The following FGF13 variants were observed in gnomAD, a reference collection of about 807,000 sequenced individuals.
FGF13 encodes the protein fibroblast growth factor 13.
Under a neutral mutation model 19.5 loss-of-function variants are expected in FGF13, and 2 were observed. The observed-to-expected ratio is 0.10, with a 90% CI of 0.04 to 0.32. FGF13 has a LOEUF of 0.32. FGF13 is among the 10% of genes least tolerant of loss of function. The probability of loss-of-function intolerance (pLI) is 1.00; values close to 1 mark genes in which losing one functional copy is unlikely to be tolerated. For missense variants in FGF13, 113 were observed against 192.7 expected (o/e 0.59, Z 2.45); for synonymous variants, 72 against 76.9 (o/e 0.94, Z 0.33).
rs1163710627 is a variant in FGF13 at position 138,625,373 on chromosome X, A to G, written c.*7477T>C. The G allele has an allele frequency of 9.5e-6, 1 of 105,326 alleles. No individual in the cohort carries two copies. The highest frequency in any genetic ancestry group is 1.9e-5 in the Non-Finnish European group (1 of 51,531). 8.7% of individuals were successfully genotyped at this position (105,326 alleles called of 1,213,427 possible). The stretch of plus-strand genomic sequence containing the variant: ...ATGCCAAACAGACATCTGCACTCCC[A>G]TTCATTCCCATTGCACCATTATTCA... On this transcript the variant is annotated 3_prime_UTR_variant, in exon 5 of 5. Transcript: ENST00000315930.
At chrX:139,118,941 C>T (rs1242964695) in intron 1 of FGF13, among the ~76,000 whole-genome samples, 1 of 111,267 alleles carries the variant, frequency 9.0e-6, no homozygotes, top group Non-Finnish European at 1.9e-5. Flanking sequence ...CAGGAGGATC[C>T]CTTGAAGCCA....
intron 3 of FGF13, among the ~76,000 whole-genome samples, chrX:138,794,007 A>G (rs2124376098): frequency 9.0e-6 from 1 of 111,542 alleles, no homozygotes; most frequent in African/African-American, 3.3e-5. Flanking sequence ...GTGGTTTGGG[A>G]GCAAGGGGCA....
At chrX:138,884,565 CCACAGCTTATT>C (rs1443451987) in intron 1 of FGF13, among the ~76,000 whole-genome samples, 1 of 112,224 alleles carries the variant, frequency 8.9e-6, no homozygotes, top group Non-Finnish European at 1.9e-5. Context: ...GATTTTCCAG[CCACAGCTTATT>C]TCCCCTTCTT....
chrX:138,670,223 T>C (rs2089597414), intron 3 of FGF13, among the ~76,000 whole-genome samples: 1 of 112,100 alleles, frequency 8.9e-6, no homozygotes, highest in South Asian at 3.7e-4. Flanking sequence ...TCTCATTTAT[T>C]CCAATTTCGC....
At chrX:138,716,660 T>C (rs1402081192), upstream of FGF13, 1 of 111,756 alleles carries the variant, frequency 8.9e-6, no homozygotes, top group Non-Finnish European at 1.9e-5. Flanking sequence ...TTTAAGGAAA[T>C]CTTGTTAGTG....
At chrX:139,183,177 C>A (rs185779329) in intron 1 of FGF13, among the ~76,000 whole-genome samples, 2 of 112,095 alleles carry the variant, frequency 1.8e-5, no homozygotes, top group African/African-American at 6.5e-5. Context: ...TGGCAGGACA[C>A]GCCAAAAACA....
intron 1 of FGF13, among the ~76,000 whole-genome samples, chrX:138,983,648 AC>A (rs935365876): frequency 1.8e-5 from 2 of 109,818 alleles, no homozygotes; most frequent in African/African-American, 6.6e-5. Context: ...AAATAGAACT[AC>A]CATATGATCT....
intron 1 of FGF13, among the ~76,000 whole-genome samples, chrX:138,955,928 A>C (rs1383196194): frequency 8.9e-6 from 1 of 112,080 alleles, no homozygotes; most frequent in Non-Finnish European, 1.9e-5. Context: ...ATCCTGCACC[A>C]ATACACAAGA....
intron 1 of FGF13, among the ~76,000 whole-genome samples, chrX:139,043,102 A>G (rs961151468): frequency 5.4e-5 from 6 of 111,382 alleles, no homozygotes; most frequent in African/African-American, 2.0e-4. Context: ...AGGTGTAGTA[A>G]CATCCTGGCT....
intron 1 of FGF13, among the ~76,000 whole-genome samples, chrX:138,955,296 T>C (rs2091835369): frequency 8.9e-6 from 1 of 112,486 alleles, no homozygotes; most frequent in African/African-American, 3.2e-5. Context: ...CCAATGCTCC[T>C]TAACCCATTC....
Position 138,927,426 on chromosome X carries a change from A to C in FGF13, c.-112-62776T>G, listed in dbSNP as rs757574950. Among the ~76,000 whole-genome samples, 17 of 111,546 alleles carry C rather than the reference A, an allele frequency of 1.5e-4. No individual in the cohort carries two copies. The East Asian group carries it at 4.9e-3, about 32-fold the overall frequency. ...TGCTGTGCTCCATGAAATAGACCAC[A>C]CTTCATTTTTAACAAGTTTCTCTCC... On this transcript the variant is annotated intron_variant, in intron 1 of 2. Coordinates refer to the FGF13 transcript ENST00000421460.
chrX:138,919,786 G>A (rs940002583), intron 1 of FGF13, among the ~76,000 whole-genome samples: 4 of 110,073 alleles, frequency 3.6e-5, no homozygotes, highest in African/African-American at 1.3e-4. Context: ...TAACTGTCAC[G>A]GTGGTTACAT....
chrX:138,943,491 T>A (rs886839838), intron 1 of FGF13, among the ~76,000 whole-genome samples: 1 of 112,160 alleles, frequency 8.9e-6, no homozygotes, highest in African/African-American at 3.2e-5. Context: ...CATGCACTGC[T>A]GAAGCTCTAA....
chrX:138,662,906 G>A (rs1233995603), intron 3 of FGF13, among the ~76,000 whole-genome samples: 1 of 111,287 alleles, frequency 9.0e-6, no homozygotes, highest in African/African-American at 3.3e-5. Context: ...CTTTGTTCTA[G>A]AAGGCTCTGA....
chrX:139,137,122 ATTG>A (rs958243318), intron 1 of FGF13, among the ~76,000 whole-genome samples: 9 of 112,240 alleles, frequency 8.0e-5, no homozygotes, highest in African/African-American at 2.9e-4. Flanking sequence ...TATTATTCTA[ATTG>A]TTAACAGACA....
At chrX:139,131,558 A>AGACCCT (rs1184650295) in intron 1 of FGF13, among the ~76,000 whole-genome samples, 1 of 110,822 alleles carries the variant, frequency 9.0e-6, no homozygotes, top group Non-Finnish European at 1.9e-5. Flanking sequence ...CAATATAGGG[A>AGACCCT]GACCCTGTCT....
intron 1 of FGF13, among the ~76,000 whole-genome samples, chrX:139,025,563 T>C (rs1312222436): frequency 1.8e-5 from 2 of 111,909 alleles, no homozygotes; most frequent in Non-Finnish European, 3.8e-5. Context: ...CTGTTCCTTC[T>C]GTGGCATTGG....
rs757171671 is a variant in FGF13, at chrX:138,861,755, C to G, written c.-39+2822G>C. Among the ~76,000 whole-genome samples the G allele has an allele frequency of 5.4e-5, 6 of 111,954 alleles. No homozygotes were observed. The South Asian group carries it at 1.5e-3, about 28-fold the overall frequency. On this transcript the variant is annotated intron_variant, in intron 2 of 2. Transcript: ENST00000421460. The stretch of plus-strand genomic sequence containing the variant: ...TGGTGGCTCACGCCTGTAATCTCAG[C>G]ATTTTGGGAGGCCAAGGCAGGTGGA...
chrX:139,100,041 A>AACACACAC (rs56821859), intron 1 of FGF13, among the ~76,000 whole-genome samples: 11,085 of 76,239 alleles, frequency 0.15, 860 homozygotes, highest in Non-Finnish European at 0.17. Context: ...GGGGAAAGCA[A>AACACACAC]ACACACACAC....
Sources: gnomAD v4.1 joint callset for allele counts (sites outside exome capture counted in the v4.1 genomes callset) on GRCh38, gnomAD v4.1.1 for gene constraint, MANE v1.5 for transcripts, NCBI Gene and HGNC (gene_info 2026-07-23, HGNC 2026-07-21) for gene names.